Variants in TMEM116 observed in about 807,000 individuals in gnomAD.
The protein encoded by TMEM116 is transmembrane protein 116.
Under a neutral mutation model 44.3 loss-of-function variants are expected in TMEM116, and 38 were observed. The ratio of observed to expected loss-of-function variants is 0.86; its 90% CI spans 0.66 to 1.12. The LOEUF is 1.12. Ranked by LOEUF, TMEM116 falls within the 50% of genes most tolerant of loss-of-function variation. The probability of loss-of-function intolerance (pLI) is 0.00; values close to 1 mark genes in which losing one functional copy is unlikely to be tolerated. For missense variants in TMEM116, 354 were observed against 401.7 expected (o/e 0.88, Z 1.01); for synonymous variants, 132 against 144.8 (o/e 0.91, Z 0.64).
chr12:111,957,031 G>A (rs1010842415), intron 4 of TMEM116, among the ~76,000 whole-genome samples: 3 of 151,012 alleles, frequency 2.0e-5, no homozygotes, highest in East Asian at 4.0e-4. Flanking sequence ...AGTGAGGAGC[G>A]CCTCTTCCCG....
chr12:111,961,884 C>G (rs932512429), intron 4 of TMEM116, among the ~76,000 whole-genome samples: 3 of 152,304 alleles, frequency 2.0e-5, no homozygotes, highest in Middle Eastern at 3.4e-3. Flanking sequence ...CTAATTGTCT[C>G]TGTTTGCAGA....
chr12:111,967,576 A>G (rs1268003234), intron 4 of TMEM116, among the ~76,000 whole-genome samples: 1 of 152,114 alleles, frequency 6.6e-6, no homozygotes, highest in Non-Finnish European at 1.5e-5. Flanking sequence ...AATATCCAAA[A>G]GTTGAAATAT....
chr12:111,958,105 T>A (rs1423492432), intron 4 of TMEM116, among the ~76,000 whole-genome samples: 3 of 151,520 alleles, frequency 2.0e-5, no homozygotes, highest in South Asian at 2.1e-4. Context: ...CACCACTCCC[T>A]AATCTCAACT....
intron 3 of TMEM116, among the ~76,000 whole-genome samples, chr12:111,994,916 T>C (rs2076845591): frequency 6.6e-6 from 1 of 152,116 alleles, no homozygotes; most frequent in African/African-American, 2.4e-5. Context: ...GCGCCCCTCA[T>C]GTGTCTATTT....
intron 4 of TMEM116, among the ~76,000 whole-genome samples, chr12:111,973,887 C>T (rs982933841): frequency 6.6e-6 from 1 of 151,926 alleles, no homozygotes; most frequent in African/African-American, 2.4e-5. Flanking sequence ...GCACTCCAAG[C>T]TGGGCAACAA....
At chr12:111,977,293 C>CAAG (rs2075721774) in intron 4 of TMEM116, among the ~76,000 whole-genome samples, 2 of 152,020 alleles carry the variant, frequency 1.3e-5, no homozygotes, top group South Asian at 2.1e-4. Flanking sequence ...ACTACATAAA[C>CAAG]AAGAAGAAAG....
At chr12:111,932,971 T>C (rs1303419786) in intron 9 of TMEM116, among the ~76,000 whole-genome samples, 1 of 152,220 alleles carries the variant, frequency 6.6e-6, no homozygotes, top group Non-Finnish European at 1.5e-5. Context: ...GCGGGCGCAG[T>C]GGCTCATGCC....
At chr12:111,972,486 A>T (rs572358200) in intron 4 of TMEM116, among the ~76,000 whole-genome samples, 40 of 152,362 alleles carry the variant, frequency 2.6e-4, no homozygotes, top group Non-Finnish European at 3.8e-4. Context: ...ACTTGACAGA[A>T]TTGATATTTA....
intron 3 of TMEM116, chr12:111,993,714 C>G: frequency 1.6e-6 from 1 of 634,888 alleles, no homozygotes; most frequent in Middle Eastern, 2.8e-4. Flanking sequence ...AAGCATTGTA[C>G]AAGTTTGTGG....
At chr12:111,937,101 T>A (rs944933846) in intron 7 of TMEM116, 59 bp downstream of exon 7, 1 of 1,474,352 alleles carries the variant, frequency 6.8e-7, no homozygotes, top group African/African-American at 1.4e-5. Context: ...TCCAGCTCTA[T>A]TTATAGAAAC....
chr12:111,976,480 A>T (rs1487488187), intron 4 of TMEM116, among the ~76,000 whole-genome samples: 1 of 152,160 alleles, frequency 6.6e-6, no homozygotes, highest in African/African-American at 2.4e-5. Context: ...AATTGTCTTA[A>T]ACAAAACAAA....
intron 1 of TMEM116, chr12:112,006,019 C>T: frequency 1.0e-6 from 1 of 984,516 alleles, no homozygotes; most frequent in South Asian, 4.7e-5. Context: ...CCCAGCTACC[C>T]TTGAGCAGCC....
intron 4 of TMEM116, among the ~76,000 whole-genome samples, chr12:111,949,802 G>C (rs767666823): frequency 5.9e-5 from 9 of 152,116 alleles, no homozygotes; most frequent in Non-Finnish European, 1.2e-4. Flanking sequence ...AGGAAATGCT[G>C]TTCCTAAAAC....
At chr12:111,981,710 C>T (rs1191904954) in intron 4 of TMEM116, among the ~76,000 whole-genome samples, 1 of 152,096 alleles carries the variant, frequency 6.6e-6, no homozygotes, top group Non-Finnish European at 1.5e-5. Context: ...GAAGGAAATA[C>T]ATGGGGAAAT....
At chr12:111,958,137 G>T (rs563657166) in intron 4 of TMEM116, among the ~76,000 whole-genome samples, 3 of 144,982 alleles carry the variant, frequency 2.1e-5, no homozygotes, top group South Asian at 2.2e-4. Flanking sequence ...CAAACACTGC[G>T]GAAGGCGGCA....
chr12:111,974,654 CAA>C (rs1203582338), intron 4 of TMEM116, among the ~76,000 whole-genome samples: 7 of 45,174 alleles, frequency 1.5e-4, no homozygotes, highest in Non-Finnish European at 2.3e-4. Context: ...GACTCTGTCG[CAA>C]AAAAAAAAAA....
At chr12:111,956,082 G>C (rs558829941) in intron 4 of TMEM116, among the ~76,000 whole-genome samples, 1 of 152,308 alleles carries the variant, frequency 6.6e-6, no homozygotes, top group South Asian at 2.1e-4. Context: ...TTAAAAACTA[G>C]CTATGGGCAA....
At chr12:111,952,899 T>C (rs573344425) in intron 4 of TMEM116, among the ~76,000 whole-genome samples, 1 of 152,310 alleles carries the variant, frequency 6.6e-6, no homozygotes, top group South Asian at 2.1e-4. Flanking sequence ...TCTGTCCCTC[T>C]AGAGAACCCT....
intron 1 of TMEM116, 25 bp from the exon 2 acceptor site, chr12:112,005,328 T>C: frequency 7.8e-7 from 1 of 1,287,772 alleles, no homozygotes; most frequent in Non-Finnish European, 9.8e-7. Flanking sequence ...GAAAACGGAA[T>C]AAAATTAAAC....
Sources: allele counts gnomAD v4.1 joint callset (sites outside exome capture counted in the v4.1 genomes callset), GRCh38; gene constraint gnomAD v4.1.1; transcripts MANE v1.5; gene names NCBI Gene and HGNC (gene_info 2026-07-23, HGNC 2026-07-21).